CCDC25: variants seen among roughly 807,000 people sequenced by gnomAD.
The protein encoded by CCDC25 is coiled-coil domain containing 25.
Under a neutral mutation model 35.3 loss-of-function variants are expected in CCDC25, and 16 were observed. That is an observed-to-expected ratio of 0.45 (90% CI 0.31 to 0.69). CCDC25 has a LOEUF of 0.69. CCDC25 is among the 30% of genes least tolerant of loss of function. The pLI is 0.06. For missense variants in CCDC25, 179 were observed against 250.7 expected (o/e 0.71, Z 1.93); for synonymous variants, 79 against 80.3 (o/e 0.98, Z 0.09).
chr8:27,747,923 CT>C (rs950550929), intron 7 of CCDC25, 153 bp downstream of exon 7: 27 of 701,968 alleles, frequency 3.8e-5, no homozygotes, highest in East Asian at 1.3e-4. Flanking sequence ...ATATAAATGC[CT>C]TTTTTTAAAA....
Position 27,756,752 on chromosome 8 carries a change from G to T in CCDC25, c.135C>A (p.Leu45=). 6.2e-7 allele frequency: 1 copy of T among 1,613,040 alleles called. No individual in the cohort carries two copies. ...ATCGAAGGTATACATGAGCCGAAGA[G>T]AGTTTGTCCACATGAAACCTACAAA... The part of the protein sequence containing the change: ...PEDIWFHVDK[L]SSAHVYLRLH... Residue 45 remains leucine, a synonymous_variant, in exon 4 of 9, where the codon CTC becomes CTA. Coordinates refer to ENST00000356537, the MANE Select transcript of CCDC25 (RefSeq NM_018246.3).
rs1317144202 is a variant in CCDC25 at position 27,735,789 on chromosome 8, A to C, written c.*427T>G. On this transcript the variant is annotated 3_prime_UTR_variant, in exon 9 of 9. Transcript: ENST00000356537. The stretch of plus-strand genomic sequence containing the variant: ...ATCAGGGACAGGGAAACATTCGCAT[A>C]ATTACCCACCAACATGTTCTTCTTA... The C allele has an allele frequency of 6.4e-6, 1 of 155,546 alleles. No individual in the cohort carries two copies. The highest frequency in any genetic ancestry group is 1.4e-5 in the Non-Finnish European group (1 of 70,472). The allele number at this position is 155,546 out of a possible 1,614,324, so 9.6% of individuals were successfully genotyped here.
chr8:27,767,899 C>A (rs1408093650), intron 1 of CCDC25, among the ~76,000 whole-genome samples: 1 of 152,042 alleles, frequency 6.6e-6, no homozygotes, highest in Non-Finnish European at 1.5e-5. Flanking sequence ...AAAGACAAGG[C>A]ATGTAGTAAA....
chr8:27,750,662 G>C (rs17477565), intron 5 of CCDC25, among the ~76,000 whole-genome samples: 1 of 152,000 alleles, frequency 6.6e-6, no homozygotes, highest in Non-Finnish European at 1.5e-5. Context: ...AGTCAAATGA[G>C]AGACGCTTAA....
chr8:27,764,565 C>T, intron 2 of CCDC25: 1 of 272,510 alleles, frequency 3.7e-6, no homozygotes, highest in Non-Finnish European at 7.5e-6. Context: ...AGGCGTGAAC[C>T]ACCATGCCTG....
At chr8:27,748,392 T>C in intron 6 of CCDC25, 103 bp downstream of exon 6, 2 of 1,307,758 alleles carry the variant, frequency 1.5e-6, no homozygotes, top group South Asian at 2.5e-5. Flanking sequence ...TTAGAAAACA[T>C]ATATCATGCT....
At chr8:27,769,277 C>T (rs1233901533) in intron 1 of CCDC25, among the ~76,000 whole-genome samples, 1 of 151,952 alleles carries the variant, frequency 6.6e-6, no homozygotes. Flanking sequence ...TAACAGGAAA[C>T]AGTTCTGACA....
In CCDC25 at chr8:27,734,483, C is replaced by T. The variant is rs1249084600; in HGVS notation, c.*1733G>A. The T allele has an allele frequency of 1.3e-5, 2 of 152,124 alleles. No individual in the cohort carries two copies. Among genetic ancestry groups the T allele is most frequent in the Non-Finnish European group, 2.9e-5 (2 of 68,044 alleles). The allele number at this position is 152,124 out of a possible 1,614,324, so 9.4% of individuals were successfully genotyped here. A position where few individuals can be genotyped will look rare whatever the true frequency, so the allele number is the denominator to read the frequency against. ...AACAGTTTGACCTGTGGGCAATCAA[C>T]CTATAAGTCCTCAAAAGAAAATTTC... is the stretch of plus-strand genomic sequence containing the variant. On this transcript the variant is annotated 3_prime_UTR_variant, in exon 9 of 9. Transcript: ENST00000356537.
chr8:27,745,331 T>C (rs1195887117), intron 7 of CCDC25, among the ~76,000 whole-genome samples: 1 of 152,164 alleles, frequency 6.6e-6, no homozygotes, highest in Non-Finnish European at 1.5e-5. Flanking sequence ...TCTCAGGTAG[T>C]CATAGTCCTT....
At chr8:27,755,259 A>T (rs1803957435) in intron 4 of CCDC25, among the ~76,000 whole-genome samples, 2 of 152,230 alleles carry the variant, frequency 1.3e-5, no homozygotes, top group South Asian at 4.1e-4. Flanking sequence ...GAAAGCAAGG[A>T]TGTGCTCAAA....
At chr8:27,750,910 A>C (rs575859588) in intron 5 of CCDC25, among the ~76,000 whole-genome samples, 2 of 152,290 alleles carry the variant, frequency 1.3e-5, no homozygotes, top group African/African-American at 4.8e-5. Context: ...TTGTCCCTAC[A>C]AAGTGCCACA....
chr8:27,745,031 A>G (rs1803559143), intron 7 of CCDC25, among the ~76,000 whole-genome samples: 1 of 152,110 alleles, frequency 6.6e-6, no homozygotes. Context: ...TTTGAGGCAG[A>G]ATCTAGCTCT....
At chr8:27,761,981 G>T (rs1804244309) in intron 3 of CCDC25, among the ~76,000 whole-genome samples, 1 of 152,128 alleles carries the variant, frequency 6.6e-6, no homozygotes, top group Non-Finnish European at 1.5e-5. Flanking sequence ...AACTCATCAG[G>T]GAGTTTAGAA....
intron 7 of CCDC25, among the ~76,000 whole-genome samples, chr8:27,742,524 G>C (rs1397140812): frequency 1.3e-5 from 2 of 152,194 alleles, no homozygotes; most frequent in African/African-American, 2.4e-5. Flanking sequence ...CCAGGCTGAA[G>C]AATCACTGGG....
rs1394075257 is a variant in CCDC25, at chr8:27,737,016, T to C, written c.598-771A>G. Among the ~76,000 whole-genome samples, 2 of 152,196 alleles carry C rather than the reference T, an allele frequency of 1.3e-5. No homozygotes were observed. The highest frequency in any genetic ancestry group is 1.5e-5 in the Non-Finnish European group (1 of 68,034). On this transcript the variant is annotated intron_variant, in intron 8 of 8. Transcript: ENST00000356537. This position sits in a 1 kb window ranked among gnomAD's most constrained non-coding sequence, Gnocchi z 4.6. ...CTTTCCCATTGCTTAACACCAGCATTGTTAGAGAAAGGGATCAGACTAAGG... is the reference window on the plus strand; with the variant it reads ...CTTTCCCATTGCTTAACACCAGCATCGTTAGAGAAAGGGATCAGACTAAGG...
At chr8:27,767,961 G>GT (rs1804456225) in intron 1 of CCDC25, among the ~76,000 whole-genome samples, 1 of 152,128 alleles carries the variant, frequency 6.6e-6, no homozygotes. Flanking sequence ...CACCACTTTG[G>GT]GAGGCTGAGG....
intron 3 of CCDC25, among the ~76,000 whole-genome samples, chr8:27,757,258 T>A (rs1177180252): frequency 6.6e-6 from 1 of 152,196 alleles, no homozygotes; most frequent in African/African-American, 2.4e-5. Context: ...GATGACAGTT[T>A]CGTTTGTGAC....
intron 7 of CCDC25, among the ~76,000 whole-genome samples, chr8:27,742,942 T>C (rs1803490309): frequency 6.6e-6 from 1 of 152,158 alleles, no homozygotes; most frequent in Non-Finnish European, 1.5e-5. Flanking sequence ...CAATTTCCAT[T>C]AGTCCAACTA....
In CCDC25 at chr8:27,736,133, T is replaced by C. The variant is rs10081527; in HGVS notation, c.*83A>G. Reference sequence around the variant, plus strand: ...GGTAGAATTTTGGTTGTATTTTATATTTCAGAACACAGATGAAACCAAAAG... The same window carrying C: ...GGTAGAATTTTGGTTGTATTTTATACTTCAGAACACAGATGAAACCAAAAG... On this transcript the variant is annotated 3_prime_UTR_variant, in exon 9 of 9. Coordinates refer to ENST00000356537, the MANE Select transcript of CCDC25 (RefSeq NM_018246.3). The C allele has an allele frequency of 0.89, 1,212,072 of 1,357,914 alleles. 541,727 individuals are homozygous for C. The highest frequency in any genetic ancestry group is 0.91 in the Non-Finnish European group (884,833 of 977,610). 84.1% of individuals were successfully genotyped at this position (1,357,914 alleles called of 1,614,324 possible).
Sources: allele counts gnomAD v4.1 joint callset (sites outside exome capture counted in the v4.1 genomes callset), GRCh38; gene constraint gnomAD v4.1.1; non-coding constraint Gnocchi (gnomAD v3.1); transcripts MANE v1.5; gene names NCBI Gene and HGNC (gene_info 2026-07-23, HGNC 2026-07-21).